The following DPY19L3 variants were observed in gnomAD, a reference collection of about 807,000 sequenced individuals.
DPY19L3 encodes dpy-19 like C-mannosyltransferase 3, also known as protein C-mannosyl-transferase DPY19L3.
A neutral mutation model predicts 92.3 loss-of-function variants in DPY19L3; 51 were observed. That is an observed-to-expected ratio of 0.55 (90% CI 0.44 to 0.70). The LOEUF is 0.70. DPY19L3 is among the 30% of genes least tolerant of loss of function. The pLI is 0.00. For synonymous variants in DPY19L3, 309 were observed against 315.2 expected, an observed-to-expected ratio of 0.98 and a Z score of 0.21; for missense variants, 706 against 855.9, an observed-to-expected ratio of 0.82 and a Z score of 2.18.
intron 15 of DPY19L3, among the ~76,000 whole-genome samples, chr19:32,466,130 T>C (rs1970192541): frequency 6.6e-6 from 1 of 152,244 alleles, no homozygotes; most frequent in Admixed American, 6.5e-5. Flanking sequence ...ATTGAAATTT[T>C]ACTGATTTTT....
chr19:32,411,418 C>T, intron 3 of DPY19L3, 46 bp downstream of exon 3: 1 of 1,606,386 alleles, frequency 6.2e-7, no homozygotes, highest in Non-Finnish European at 8.5e-7. Context: ...AGTGGGATCT[C>T]CAGTAGTAAG....
chr19:32,426,315 C>T (rs1239157469), intron 3 of DPY19L3, among the ~76,000 whole-genome samples: 5 of 152,188 alleles, frequency 3.3e-5, no homozygotes, highest in South Asian at 2.1e-4. Context: ...AGACTTTCCC[C>T]GTATCAGCAA....
At chr19:32,407,296 C>T (rs751868487) in intron 1 of DPY19L3, among the ~76,000 whole-genome samples, 50 of 150,730 alleles carry the variant, frequency 3.3e-4, no homozygotes, top group Admixed American at 1.1e-3. Context: ...CCGACGCTCC[C>T]TGGGATAGCA....
chr19:32,461,008 G>A (rs978634952), intron 12 of DPY19L3, among the ~76,000 whole-genome samples: 7 of 152,156 alleles, frequency 4.6e-5, no homozygotes, highest in African/African-American at 7.2e-5. Flanking sequence ...TGGGATTACA[G>A]GCATGCACAA....
chr19:32,426,410 C>A (rs1241767400), intron 3 of DPY19L3, among the ~76,000 whole-genome samples: 1 of 152,228 alleles, frequency 6.6e-6, no homozygotes, highest in Non-Finnish European at 1.5e-5. Context: ...TTTGTGTTAA[C>A]AACTTGGCTC....
At chr19:32,406,055 G>C (rs970606464) in intron 1 of DPY19L3, 146 bp downstream of exon 1, 10 of 151,352 alleles carry the variant, frequency 6.6e-5, no homozygotes, top group Non-Finnish European at 1.0e-4. Context: ...CCGCGGCGTC[G>C]GGGCGTCGGG....
intron 16 of DPY19L3, among the ~76,000 whole-genome samples, chr19:32,470,241 C>G (rs79462075): frequency 1.9e-3 from 287 of 152,236 alleles, no homozygotes; most frequent in African/African-American, 5.9e-3. Flanking sequence ...GTAAATAATT[C>G]CTTCAGTATT....
chr19:32,476,974 GA>G (rs1439023691), intron 16 of DPY19L3, among the ~76,000 whole-genome samples: 2 of 152,062 alleles, frequency 1.3e-5, no homozygotes, highest in African/African-American at 4.8e-5. Context: ...CCTTGGAACT[GA>G]CTCATGATCA....
At chr19:32,422,435 A>C (rs749203402) in intron 3 of DPY19L3, among the ~76,000 whole-genome samples, 1 of 152,222 alleles carries the variant, frequency 6.6e-6, no homozygotes, top group Non-Finnish European at 1.5e-5. Flanking sequence ...TCTCAGATGC[A>C]ACATACAGGA....
Position 32,477,644 on chromosome 19 carries a change from G to A in DPY19L3, c.1820G>A (p.Arg607Gln), listed in dbSNP as rs934935503. 1.4e-5 allele frequency: 23 copies of A among 1,613,910 alleles called. No homozygotes were observed. The highest frequency in any genetic ancestry group is 5.0e-5 in the Admixed American group (3 of 59,994). The change falls in exon 17 of 19, where the codon CGG becomes CAG. Residue 607 changes from arginine to glutamine, a missense_variant. Physicochemically the swap from Arg to Gln is conservative, Grantham distance 43. Coordinates refer to ENST00000392250, the MANE Select transcript of DPY19L3 (RefSeq NM_001172774.2). ...TATGAAGACAGCAGCCTGAGAGAGC[G>A]GACCAGAGCGGTGAGGCTCCCCAGT... ...PHYEDSSLRE[R>Q]TRAVYQIYAK...
At chr19:32,439,619 G>C (rs1339439947) in intron 7 of DPY19L3, among the ~76,000 whole-genome samples, 157 bp from the exon 8 acceptor site, 1 of 152,122 alleles carries the variant, frequency 6.6e-6, no homozygotes, top group Non-Finnish European at 1.5e-5. Flanking sequence ...CTTTATGATA[G>C]TTAGAGCTTA....
intron 15 of DPY19L3, among the ~76,000 whole-genome samples, chr19:32,465,994 AC>A: frequency 6.6e-6 from 1 of 152,264 alleles, no homozygotes; most frequent in East Asian, 1.9e-4. Flanking sequence ...GGATTAAAGC[AC>A]CCTCCTCACA....
At chr19:32,450,108 A>T (rs1196056669) in intron 8 of DPY19L3, among the ~76,000 whole-genome samples, 1 of 152,212 alleles carries the variant, frequency 6.6e-6, no homozygotes, top group African/African-American at 2.4e-5. Context: ...GGTAAGATAC[A>T]TAAATGTCCA....
At chr19:32,444,902 A>T (rs1465990977) in intron 8 of DPY19L3, among the ~76,000 whole-genome samples, 2 of 150,114 alleles carry the variant, frequency 1.3e-5, no homozygotes, top group African/African-American at 4.9e-5. Flanking sequence ...GGGCAACATG[A>T]TGCAACCCCA....
rs892338387 is a variant in DPY19L3, at chr19:32,410,228, T to C, written c.104-1011T>C. On this transcript the variant is annotated intron_variant, in intron 2 of 18. Coordinates refer to ENST00000392250, the MANE Select transcript of DPY19L3 (RefSeq NM_001172774.2). ...ATTATTATTGGCCACTTTTTTCTAT[T>C]GTACATTGCCTGTTCATGTCCTTAA... 4.6e-5 allele frequency among the ~76,000 whole-genome samples: 7 copies of C among 152,236 alleles called. No homozygotes were observed. The East Asian group carries it at 1.3e-3, about 29-fold the overall frequency.
chr19:32,460,930 A>G (rs1220502861), intron 12 of DPY19L3, among the ~76,000 whole-genome samples: 1 of 152,034 alleles, frequency 6.6e-6, no homozygotes, highest in African/African-American at 2.4e-5. Flanking sequence ...CAGTGGTGCA[A>G]TCTCGGCTCA....
intron 15 of DPY19L3, among the ~76,000 whole-genome samples, chr19:32,467,084 A>G (rs1970223938): frequency 6.6e-6 from 1 of 152,240 alleles, no homozygotes; most frequent in East Asian, 1.9e-4. Flanking sequence ...AAAAGCATGT[A>G]CTAGCCTGCA....
At chr19:32,478,433 G>A (rs1437534252) in intron 17 of DPY19L3, among the ~76,000 whole-genome samples, 2 of 152,214 alleles carry the variant, frequency 1.3e-5, no homozygotes, top group African/African-American at 4.8e-5. Context: ...GAAGTCTGGG[G>A]TTTTTGTTTT....
intron 10 of DPY19L3, 145 bp from the exon 11 acceptor site, chr19:32,457,955 G>A (rs1969918367): frequency 3.2e-6 from 2 of 632,210 alleles, no homozygotes; most frequent in South Asian, 4.3e-5. Flanking sequence ...CCTCAGTTCT[G>A]AGAACTACTG....
Sources: gnomAD v4.1 joint callset for allele counts (sites outside exome capture counted in the v4.1 genomes callset) on GRCh38, gnomAD v4.1.1 for gene constraint, MANE v1.5 for transcripts, NCBI Gene and HGNC (gene_info 2026-07-23, HGNC 2026-07-21) for gene names.